Variants in NUP98 observed in about 807,000 individuals in gnomAD.
The protein encoded by NUP98 is nuclear pore complex protein Nup98-Nup96.
NUP98 carries 26 observed loss-of-function variants against 191.9 expected under a neutral mutation model. That is an observed-to-expected ratio of 0.14 (90% CI 0.10 to 0.19). The LOEUF (loss-of-function observed/expected upper bound fraction) is 0.19. NUP98 is among the 10% of genes least tolerant of loss of function. The pLI is 1.00. For synonymous variants in NUP98, 808 were observed against 778.4 expected (o/e 1.04, Z -0.63); for missense variants, 1,941 against 2,178.8 (o/e 0.89, Z 2.17).
chr11:3,766,312 G>A (rs981472781), intron 8 of NUP98, among the ~76,000 whole-genome samples: 12 of 152,220 alleles, frequency 7.9e-5, no homozygotes, highest in African/African-American at 2.4e-4. Flanking sequence ...GGCGGAGGAC[G>A]CAGTGAACTG....
At chr11:3,755,071 A>G (rs1289437758) in intron 10 of NUP98, among the ~76,000 whole-genome samples, 1 of 152,170 alleles carries the variant, frequency 6.6e-6, no homozygotes, top group Non-Finnish European at 1.5e-5. Flanking sequence ...AATATCAACA[A>G]AACAATTAAT....
chr11:3,746,591 A>G (rs910564486), intron 11 of NUP98, among the ~76,000 whole-genome samples: 2 of 151,752 alleles, frequency 1.3e-5, no homozygotes, highest in Non-Finnish European at 2.9e-5. Context: ...ACTGTACTGT[A>G]TTTCAGTAAT....
chr11:3,764,259 T>C (rs1165566190), intron 8 of NUP98, among the ~76,000 whole-genome samples: 1 of 152,236 alleles, frequency 6.6e-6, no homozygotes, highest in Admixed American at 6.5e-5. Context: ...GGTTCATCTG[T>C]GTTGTAGCAT....
intron 27 of NUP98, among the ~76,000 whole-genome samples, chr11:3,692,069 A>G (rs2078329194): frequency 6.6e-6 from 1 of 152,180 alleles, no homozygotes; most frequent in South Asian, 2.1e-4. Context: ...GAGCATGATG[A>G]TTGGGTGTTC....
Position 3,705,278 on chromosome 11 carries a change from T to G in NUP98, c.3004A>C (p.Lys1002Gln). Reference sequence around the variant, plus strand: ...CAGATTTCTTGAGAAGTATCTGCTTTGGAAGGCAGGCGACTGAAGCGTTGA... The same window carrying G: ...CAGATTTCTTGAGAAGTATCTGCTTGGGAAGGCAGGCGACTGAAGCGTTGA... ...LDQRFSRLPS[K>Q]ADTSQEICSP... Residue 1002 changes from lysine (K) to glutamine (Q), a missense_variant, in exon 22 of 33, where the codon AAA (lysine) becomes CAA (glutamine). By Grantham distance (53) the Lys-to-Gln change is moderately conservative. Coordinates refer to ENST00000324932, the MANE Select transcript of NUP98 (RefSeq NM_016320.5). 1.2e-6 allele frequency: 2 copies of G among 1,614,204 alleles called. No individual in the cohort carries two copies. The highest frequency in any genetic ancestry group is 1.7e-6 in the Non-Finnish European group (2 of 1,180,030).
chr11:3,684,881 AG>A (rs1429166851), intron 29 of NUP98, among the ~76,000 whole-genome samples: 1 of 150,956 alleles, frequency 6.6e-6, no homozygotes, highest in African/African-American at 2.4e-5. Context: ...AGTACGTGGT[AG>A]ATCTAGAATT....
chr11:3,754,188 G>A (rs1461975781), intron 10 of NUP98, among the ~76,000 whole-genome samples: 1 of 152,178 alleles, frequency 6.6e-6, no homozygotes, highest in Middle Eastern at 3.2e-3. Context: ...CAACACTTTG[G>A]GAGGCCAAGG....
chr11:3,694,663 T>A (rs549076046), intron 26 of NUP98, among the ~76,000 whole-genome samples: 3 of 151,648 alleles, frequency 2.0e-5, no homozygotes, highest in African/African-American at 7.2e-5. Context: ...TGAGGTGAAC[T>A]TGGGAGGCGG....
chr11:3,762,869 A>T (rs567286856), intron 9 of NUP98, 33 bp downstream of exon 9: 10 of 1,605,252 alleles, frequency 6.2e-6, no homozygotes, highest in South Asian at 5.6e-5. Context: ...ATTTACACAC[A>T]TCTTCAAATT....
chr11:3,684,317 C>T (rs1370009882), intron 29 of NUP98, among the ~76,000 whole-genome samples: 3 of 152,192 alleles, frequency 2.0e-5, no homozygotes, highest in Admixed American at 6.5e-5. Flanking sequence ...CAGTGGCTCA[C>T]GCCTGTAATC....
In NUP98 at chr11:3,713,947, A is replaced by T. The variant is rs1284525603; in HGVS notation, c.2448T>A (p.Ser816=). Reference sequence around the variant, plus strand: ...GATCTGGGCTCTTTATTAAACAACGAGATGTTTTATCTGTTGGCCAAACTC... The same window carrying T: ...GATCTGGGCTCTTTATTAAACAACGTGATGTTTTATCTGTTGGCCAAACTC... The part of the protein sequence containing the change: ...LDGVWPTDKT[S]RCLIKSPDRL... The change falls in exon 19 of 33, where the codon TCT becomes TCA. Residue 816 remains serine, a synonymous_variant. Transcript: ENST00000324932. The T allele has an allele frequency of 6.2e-7, 1 of 1,614,110 alleles. No homozygotes were observed. Among genetic ancestry groups the T allele is most frequent in the Non-Finnish European group, 8.5e-7 (1 of 1,180,006 alleles).
At chr11:3,686,832 C>CA (rs1448438217) in intron 28 of NUP98, among the ~76,000 whole-genome samples, 1 of 152,074 alleles carries the variant, frequency 6.6e-6, no homozygotes, top group Non-Finnish European at 1.5e-5. Flanking sequence ...ACTAAAAATA[C>CA]AAAAATTAGC....
chr11:3,764,186 T>G (rs1040203372), intron 8 of NUP98, among the ~76,000 whole-genome samples: 15 of 152,300 alleles, frequency 9.8e-5, no homozygotes, highest in East Asian at 3.9e-4. Context: ...ACATTTAATG[T>G]GAATGGAGTC....
At chr11:3,774,376 C>A (rs1272868289) in intron 5 of NUP98, among the ~76,000 whole-genome samples, 1 of 152,056 alleles carries the variant, frequency 6.6e-6, no homozygotes, top group African/African-American at 2.4e-5. Flanking sequence ...CGTGCCACTG[C>A]ACTCTGGCCT....
At chr11:3,691,903 T>C (rs2078323912) in intron 27 of NUP98, among the ~76,000 whole-genome samples, 1 of 152,150 alleles carries the variant, frequency 6.6e-6, no homozygotes. Flanking sequence ...TAAGAATGAA[T>C]AGACAGCCAT....
chr11:3,780,027 G>A (rs116180619), intron 2 of NUP98, among the ~76,000 whole-genome samples: 23 of 152,238 alleles, frequency 1.5e-4, no homozygotes, highest in African/African-American at 5.3e-4. Context: ...TTCATTAGCG[G>A]AACACATCAG....
rs2077806068 is a variant in NUP98 at position 3,676,242 on chromosome 11, G to T, written c.5320C>A (p.Pro1774Thr). The T allele has an allele frequency of 6.2e-7, 1 of 1,614,102 alleles. No individual in the cohort carries two copies. The highest frequency in any genetic ancestry group is 8.5e-7 in the Non-Finnish European group (1 of 1,180,052). ...TCCATGGCATAGTCCTCAGGCATGG[G>T]AAGCCGGCCAATGTGGGGAGCCAAG... ...RLLAPHIGRL[P>T]MPEDYAMDEL... The change falls in exon 33 of 33, where the codon CCC becomes ACC. Residue 1774 changes from proline to threonine, a missense_variant. Physicochemically the swap from Pro to Thr is conservative, Grantham distance 38. Coordinates refer to ENST00000324932, the MANE Select transcript of NUP98 (RefSeq NM_016320.5).
At chr11:3,749,990 AAACT>A (rs2080681980) in intron 11 of NUP98, among the ~76,000 whole-genome samples, 1 of 152,212 alleles carries the variant, frequency 6.6e-6, no homozygotes, top group African/African-American at 2.4e-5. Flanking sequence ...ATCCTACAAT[AAACT>A]AACACCTGCA....
chr11:3,738,072 C>A (rs2080137813), intron 12 of NUP98, among the ~76,000 whole-genome samples: 1 of 137,912 alleles, frequency 7.3e-6, no homozygotes. Context: ...ACAAATCATT[C>A]TACCTGGGCG....
Sources: gnomAD v4.1 joint callset for allele counts (sites outside exome capture counted in the v4.1 genomes callset) on GRCh38, gnomAD v4.1.1 for gene constraint, MANE v1.5 for transcripts, NCBI Gene and HGNC (gene_info 2026-07-23, HGNC 2026-07-21) for gene names.